Variants in FBXL17 observed in about 807,000 individuals in gnomAD.
FBXL17 encodes F-box and leucine rich repeat protein 17.
Under a neutral mutation model 66.2 loss-of-function variants are expected in FBXL17, and 22 were observed. That is an observed-to-expected ratio of 0.33 (90% CI 0.24 to 0.47). FBXL17 has a LOEUF of 0.47. FBXL17 is among the 20% of genes least tolerant of loss of function. FBXL17 has a pLI of 1.00. For synonymous variants in FBXL17, 474 were observed against 400.5 expected, an observed-to-expected ratio of 1.18 and a Z score of -2.19; for missense variants, 878 against 948.2, an observed-to-expected ratio of 0.93 and a Z score of 0.97.
chr5:108,001,805 A>T (rs1458898557), intron 7 of FBXL17, among the ~76,000 whole-genome samples: 1 of 151,550 alleles, frequency 6.6e-6, no homozygotes, highest in African/African-American at 2.4e-5. Context: ...CAGCCGGAAA[A>T]TTAGTTTCTT....
intron 6 of FBXL17, among the ~76,000 whole-genome samples, chr5:108,024,393 T>C (rs768612146): frequency 1.1e-4 from 16 of 152,176 alleles, no homozygotes; most frequent in Non-Finnish European, 2.1e-4. Flanking sequence ...AAAGACATTC[T>C]AGTCTTACCT....
intron 6 of FBXL17, among the ~76,000 whole-genome samples, chr5:108,145,146 A>G (rs1751505888): frequency 6.6e-6 from 1 of 152,210 alleles, no homozygotes; most frequent in Admixed American, 6.5e-5. Context: ...ACTCTAGTTT[A>G]TAACACTTGC....
intron 4 of FBXL17, among the ~76,000 whole-genome samples, chr5:108,241,122 C>T (rs1755836554): frequency 6.6e-6 from 1 of 152,164 alleles, no homozygotes; most frequent in Non-Finnish European, 1.5e-5. Context: ...AAAAGCCCAT[C>T]CTGGAAAATA....
chr5:108,021,053 G>C, intron 6 of FBXL17, 52 bp from the exon 7 acceptor site: 1 of 1,332,768 alleles, frequency 7.5e-7, no homozygotes, highest in South Asian at 1.2e-5. Context: ...TAAATTAGCA[G>C]GGGTTTGAAT....
At chr5:107,897,304 G>C (rs1000299524) in intron 7 of FBXL17, among the ~76,000 whole-genome samples, 1 of 152,074 alleles carries the variant, frequency 6.6e-6, no homozygotes, top group Non-Finnish European at 1.5e-5. Context: ...GGAAGAGATA[G>C]GCTAACTCTG....
intron 4 of FBXL17, among the ~76,000 whole-genome samples, chr5:108,252,119 A>T (rs1756381427): frequency 6.6e-6 from 1 of 152,166 alleles, no homozygotes; most frequent in South Asian, 2.1e-4. Context: ...TGTTGGAGAC[A>T]ATATAAAGAA....
chr5:108,067,795 T>C (rs286748), intron 6 of FBXL17, among the ~76,000 whole-genome samples: 118,226 of 152,158 alleles, frequency 0.78, 46,314 homozygotes, highest in East Asian at 0.93. Flanking sequence ...TGAAACTGAT[T>C]CAACATTTGG....
At chr5:108,184,195 G>A (rs184792261) in intron 6 of FBXL17, among the ~76,000 whole-genome samples, 146 of 152,242 alleles carry the variant, frequency 9.6e-4, no homozygotes, top group Non-Finnish European at 1.6e-3. Context: ...TCGAGGCGGC[G>A]GGGCGGGGGA....
At chr5:108,273,181 C>T (rs896570853) in intron 4 of FBXL17, among the ~76,000 whole-genome samples, 10 of 151,944 alleles carry the variant, frequency 6.6e-5, no homozygotes, top group African/African-American at 1.9e-4. Context: ...GGAGGCAGGG[C>T]GAGATCACAG....
chr5:108,201,929 G>C (rs1057175264), intron 5 of FBXL17, among the ~76,000 whole-genome samples: 4 of 150,606 alleles, frequency 2.7e-5, no homozygotes, highest in Non-Finnish European at 4.4e-5. Context: ...ATGTGTTAGA[G>C]ACCAGATAAA....
chr5:107,922,719 C>A (rs1750366101), intron 7 of FBXL17, among the ~76,000 whole-genome samples: 1 of 152,180 alleles, frequency 6.6e-6, no homozygotes, highest in African/African-American at 2.4e-5. Context: ...ACTTCATATT[C>A]AGTCAAATAA....
chr5:108,041,205 G>A (rs926949199), intron 6 of FBXL17, among the ~76,000 whole-genome samples: 2 of 151,976 alleles, frequency 1.3e-5, no homozygotes, highest in African/African-American at 4.8e-5. Context: ...ATGGTTAAGG[G>A]CTTTTTTCTT....
chr5:108,102,058 AG>A (rs375470362), intron 6 of FBXL17, among the ~76,000 whole-genome samples: 76 of 152,222 alleles, frequency 5.0e-4, no homozygotes, highest in African/African-American at 1.8e-3. Context: ...AAGTGAGATG[AG>A]CTGAATTCGT....
At chr5:108,126,388 T>C (rs562513399) in intron 6 of FBXL17, among the ~76,000 whole-genome samples, 3 of 152,070 alleles carry the variant, frequency 2.0e-5, no homozygotes, top group Non-Finnish European at 4.4e-5. Flanking sequence ...TAAACCACTA[T>C]GCATTTTTTT....
intron 7 of FBXL17, among the ~76,000 whole-genome samples, chr5:107,905,417 T>C (rs1749720180): frequency 6.6e-6 from 1 of 152,206 alleles, no homozygotes. Flanking sequence ...TGATTTCTCA[T>C]ATAATCTACT....
chr5:108,351,527 G>A (rs1747657187), intron 3 of FBXL17, among the ~76,000 whole-genome samples: 1 of 152,138 alleles, frequency 6.6e-6, no homozygotes, highest in South Asian at 2.1e-4. Flanking sequence ...CAGGGAGCAA[G>A]CAATCTTTAT....
intron 4 of FBXL17, among the ~76,000 whole-genome samples, chr5:108,344,171 C>T (rs914805541): frequency 4.0e-5 from 5 of 125,686 alleles, no homozygotes; most frequent in African/African-American, 1.3e-4. Context: ...ATGCTTTCAG[C>T]CTAGGGGGTC....
At chr5:108,183,332 C>T (rs1753087486) in intron 6 of FBXL17, among the ~76,000 whole-genome samples, 1 of 152,072 alleles carries the variant, frequency 6.6e-6, no homozygotes, top group Non-Finnish European at 1.5e-5. Flanking sequence ...AGCCACCACG[C>T]CTGGCCCAGT....
intron 6 of FBXL17, among the ~76,000 whole-genome samples, chr5:108,048,716 AG>A (rs1313118973): frequency 7.2e-5 from 11 of 152,336 alleles, no homozygotes; most frequent in African/African-American, 2.6e-4. Flanking sequence ...CAGAGTCTGA[AG>A]GCCACCTTGC....
Sources: allele counts gnomAD v4.1 joint callset (sites outside exome capture counted in the v4.1 genomes callset), GRCh38; gene constraint gnomAD v4.1.1; transcripts MANE v1.5; gene names NCBI Gene and HGNC (gene_info 2026-07-23, HGNC 2026-07-21).